Variants in CSF2RA observed in about 807,000 individuals in gnomAD.
CSF2RA encodes the protein colony stimulating factor 2 receptor subunit alpha.
CSF2RA carries 42 observed loss-of-function variants against 51.6 expected under a neutral mutation model. That is an observed-to-expected ratio of 0.81 (90% CI 0.64 to 1.05). The LOEUF is 1.05. CSF2RA is among the 50% of genes least tolerant of loss of function. The probability of loss-of-function intolerance (pLI) is 0.00; values close to 1 mark genes in which losing one functional copy is unlikely to be tolerated. For synonymous variants in CSF2RA, 222 were observed against 193.0 expected (o/e 1.15, Z -1.24); for missense variants, 530 against 501.1 (o/e 1.06, Z -0.55).
intron 2 of CSF2RA, chrX:1,282,040 A>AAG (rs1353639559): frequency 1.4e-5 from 2 of 145,448 alleles, no homozygotes; most frequent in Non-Finnish European, 3.0e-5. Flanking sequence ...CTAAAAAAAA[A>AAG]AAAAAAAAAA....
downstream of CSF2RA, among the ~76,000 whole-genome samples, chrX:1,311,452 T>C (rs1185883085): frequency 6.6e-6 from 1 of 150,770 alleles, no homozygotes; most frequent in Non-Finnish European, 1.5e-5. Context: ...TTTTTTTTTT[T>C]AAGTTGGAGT....
Position 1,288,783 on chromosome X carries a change from A to G in CSF2RA, c.368A>G (p.Asn123Ser). The G allele has an allele frequency of 1.2e-6, 2 of 1,613,872 alleles. No individual in the cohort carries two copies. The highest frequency in any genetic ancestry group is 1.7e-6 in the Non-Finnish European group (2 of 1,179,848). Reference protein sequence around the residue: ...NSGREGTAAQNFSCFIYNADL... With the variant: ...NSGREGTAAQSFSCFIYNADL... ...GGAAGGGAGGGTACCGCTGCTCAGA[A>G]TTTCTCCTGTTTCATCTACAATGCG... The change falls in exon 6 of 13, where the codon AAT becomes AGT. Residue 123 changes from asparagine (N) to serine (S), a missense_variant. Physicochemically the swap from Asn to Ser is conservative, Grantham distance 46. Transcript: ENST00000381529.
chrX:1,288,691 C>G, intron 5 of CSF2RA, 49 bp downstream of exon 5: 1 of 1,613,912 alleles, frequency 6.2e-7, no homozygotes, highest in Non-Finnish European at 8.5e-7. Flanking sequence ...CCCCACCACC[C>G]CGCCAGCATC....
intron 6 of CSF2RA, among the ~76,000 whole-genome samples, chrX:1,289,889 GT>G (rs369868578): frequency 0.19 from 13,823 of 72,924 alleles, 1,248 homozygotes; most frequent in South Asian, 0.35. Flanking sequence ...TTTGTGTTTT[GT>G]TTTGTTTTGT....
In CSF2RA at chrX:1,301,162, A is replaced by T; in HGVS notation, c.946+536A>T. ...CGTGAGACTCCGTCTCAAAAAAAAAAAGAAAAAAAAATACAAAAACTAACC... is the reference window on the plus strand; with the variant it reads ...CGTGAGACTCCGTCTCAAAAAAAAATAGAAAAAAAAATACAAAAACTAACC... On this transcript the variant is annotated intron_variant, in intron 10 of 12. Coordinates refer to ENST00000381529, the MANE Select transcript of CSF2RA (RefSeq NM_172245.4). 1.4e-5 allele frequency among the ~76,000 whole-genome samples: 2 copies of T among 141,546 alleles called. 1 individual carries two copies. Among genetic ancestry groups the T allele is most frequent in the South Asian group, 4.4e-4 (2 of 4,500 alleles). The allele number at this position is 141,546 out of a possible 152,430, so 92.9% of individuals were successfully genotyped here.
chrX:1,294,166 G>T lies in CSF2RA; in HGVS notation c.647-162G>T, dbSNP rs746180923. ...ACCTGGACCCAGTGTAGTCAAAGAG[G>T]TGTCCCTACTCCACCTCCACCTGGA... On this transcript the variant is annotated intron_variant, in intron 7 of 12. Coordinates refer to ENST00000381529, the MANE Select transcript of CSF2RA (RefSeq NM_172245.4). The T allele has an allele frequency of 5.0e-4, 423 of 844,808 alleles. 1 individual carries two copies. The highest frequency in any genetic ancestry group is 1.1e-3 in the Middle Eastern group (3 of 2,850). 52.3% of individuals were successfully genotyped at this position (844,808 alleles called of 1,614,324 possible). A position where few individuals can be genotyped will look rare whatever the true frequency, so the allele number is the denominator to read the frequency against.
At chrX:1,302,048 C>A (rs1395799486) in intron 10 of CSF2RA, among the ~76,000 whole-genome samples, 3 of 151,324 alleles carry the variant, frequency 2.0e-5, no homozygotes, top group African/African-American at 7.3e-5. Flanking sequence ...TCCCGAGTAG[C>A]TGGGATTACA....
Position 1,286,131 on chromosome X carries a change from G to A in CSF2RA, c.219+211G>A, listed in dbSNP as rs1386750069. On this transcript the variant is annotated intron_variant, in intron 4 of 12. Transcript: ENST00000381529. ...CTACTACAAATACAAAATTAGCCGG[G>A]CGTGCTGGTGCATGCCTGTAGTCCC... 3.3e-5 allele frequency among the ~76,000 whole-genome samples: 5 copies of A among 151,996 alleles called. No individual in the cohort carries two copies. The East Asian group carries it at 9.7e-4, about 29-fold the overall frequency.
At chrX:1,269,264 A>G (rs1306478699) in intron 1 of CSF2RA, among the ~76,000 whole-genome samples, 1 of 152,184 alleles carries the variant, frequency 6.6e-6, no homozygotes, top group African/African-American at 2.4e-5. Flanking sequence ...GTTGGGGTGT[A>G]GTATCTAGCA....
chrX:1,279,132 C>G (rs2089575557), intron 2 of CSF2RA, among the ~76,000 whole-genome samples: 1 of 150,544 alleles, frequency 6.6e-6, no homozygotes, highest in Non-Finnish European at 1.5e-5. Context: ...AGGGGGATTA[C>G]TTGAGATCAG....
chrX:1,314,554 A>ACCTGCCTAACCCCACTGTG (rs2084413864), downstream of CSF2RA, among the ~76,000 whole-genome samples: 1 of 82,282 alleles, frequency 1.2e-5, no homozygotes, highest in Non-Finnish European at 2.3e-5. Flanking sequence ...ATCCCACTGC[A>ACCTGCCTAACCCCACTGTG]CCTGCCCAAT....
At chrX:1,314,157 G>A (rs1419992047), downstream of CSF2RA, among the ~76,000 whole-genome samples, 1 of 151,192 alleles carries the variant, frequency 6.6e-6, no homozygotes, top group Non-Finnish European at 1.5e-5. Context: ...CAAGGAATGG[G>A]TGGGCAGAGG....
chrX:1,274,842 G>C, intron 2 of CSF2RA, 24 bp downstream of exon 2: 1 of 453,494 alleles, frequency 2.2e-6, no homozygotes, highest in South Asian at 1.6e-5. Flanking sequence ...TCGGCCTGTC[G>C]GTAATGTGGT....
downstream of CSF2RA, among the ~76,000 whole-genome samples, chrX:1,313,409 G>C (rs1395500446): frequency 6.6e-6 from 1 of 151,836 alleles, no homozygotes; most frequent in African/African-American, 2.4e-5. Context: ...ACTCCAATCT[G>C]GGTGACAGAG....
In CSF2RA at chrX:1,309,008, ACCT is replaced by A. The variant is rs759551494; in HGVS notation, c.1126-392_1126-390del. On this transcript the variant is annotated intron_variant, in intron 12 of 12. Transcript: ENST00000381529. ...TTTGGGAGGCCGAGGCGAGTGGATC[ACCT>A]CGAGGTCAGGAGTTTGAGACCAGCC... 1.8e-4 allele frequency among the ~76,000 whole-genome samples: 27 copies of A among 152,004 alleles called. No homozygotes were observed. In the East Asian group the frequency reaches 4.8e-3, roughly 27 times the overall value.
intron 2 of CSF2RA, among the ~76,000 whole-genome samples, chrX:1,278,342 A>G (rs1218364447): frequency 6.7e-6 from 1 of 148,200 alleles, no homozygotes; most frequent in African/African-American, 2.5e-5. Context: ...CAAAAAAACA[A>G]AAGATTTCAG....
chrX:1,282,558 C>G (rs1357919573), intron 2 of CSF2RA, 120 bp from the exon 3 acceptor site: 5 of 785,136 alleles, frequency 6.4e-6, no homozygotes, highest in Non-Finnish European at 1.2e-5. Flanking sequence ...CTCATTTGAC[C>G]AGGTCAGCGG....
chrX:1,293,483 T>C (rs2091597794), intron 7 of CSF2RA, among the ~76,000 whole-genome samples: 1 of 149,620 alleles, frequency 6.7e-6, no homozygotes, highest in Non-Finnish European at 1.5e-5. Flanking sequence ...CCTCCCAAAG[T>C]GCTGGGATTA....
At chrX:1,301,875 G>T (rs36160036) in intron 10 of CSF2RA, among the ~76,000 whole-genome samples, 17,408 of 145,090 alleles carry the variant, frequency 0.12, 1,235 homozygotes, top group Non-Finnish European at 0.16. Flanking sequence ...CAAAGTGCTG[G>T]GATTACAGGC....
Sources: gnomAD v4.1 joint callset for allele counts (sites outside exome capture counted in the v4.1 genomes callset) on GRCh38, gnomAD v4.1.1 for gene constraint, MANE v1.5 for transcripts, NCBI Gene and HGNC (gene_info 2026-07-23, HGNC 2026-07-21) for gene names.